POLE: variants seen among roughly 807,000 people sequenced by gnomAD.
The protein encoded by POLE is DNA polymerase epsilon, catalytic subunit.
POLE carries 188 observed loss-of-function variants against 279.2 expected under a neutral mutation model. That is an observed-to-expected ratio of 0.67 (90% CI 0.60 to 0.76). POLE has a LOEUF of 0.76. POLE is among the 30% of genes least tolerant of loss of function. POLE has a pLI of 0.00. For missense variants in POLE, 2,703 were observed against 3,016.7 expected, an observed-to-expected ratio of 0.90 and a Z score of 2.44; for synonymous variants, 1,214 against 1,172.5, an observed-to-expected ratio of 1.04 and a Z score of -0.72.
At chr12:132,632,275 C>T (rs763782807) in intron 45 of POLE, 40 bp downstream of exon 45, 26 of 1,502,082 alleles carry the variant, frequency 1.7e-5, no homozygotes, top group African/African-American at 6.9e-5. Context: ...TACACATGTA[C>T]GTTAGTGTCC....
At chr12:132,636,298 G>A (rs1194161627) in intron 41 of POLE, among the ~76,000 whole-genome samples, 1 of 151,966 alleles carries the variant, frequency 6.6e-6, no homozygotes, top group Non-Finnish European at 1.5e-5. Context: ...TCTGCTCTGC[G>A]GCCTTAGGTG....
Position 132,675,646 on chromosome 12 carries a change from C to T in POLE, c.1106+89G>A. 2 of 1,572,910 alleles carry T rather than the reference C, an allele frequency of 1.3e-6. No homozygotes were observed. Among genetic ancestry groups the T allele is most frequent in the Non-Finnish European group, 1.7e-6 (2 of 1,145,714 alleles). ...GCAGAGTGAACCCAGGAGCCACCTC[C>T]TAAGTCGACATGGGAAGCGCCCCTG... On this transcript the variant is annotated intron_variant, in intron 11 of 48. Transcript: ENST00000320574. This position sits in a 1 kb window ranked among gnomAD's most constrained non-coding sequence, Gnocchi z 4.3.
At chr12:132,641,467 C>T (rs764347664) in intron 39 of POLE, 180 bp downstream of exon 39, 3 of 613,012 alleles carry the variant, frequency 4.9e-6, no homozygotes, top group Admixed American at 5.6e-5. Flanking sequence ...GGGACCAGGC[C>T]GGACCCCCAC....
chr12:132,640,593 C>T (rs2042121471), intron 39 of POLE, among the ~76,000 whole-genome samples: 1 of 152,276 alleles, frequency 6.6e-6, no homozygotes, highest in African/African-American at 2.4e-5. Flanking sequence ...ATGCCAGCTG[C>T]TCTGGTACTG....
Position 132,661,770 on chromosome 12 carries a change from G to T in POLE, c.2707-86C>A. 2 of 1,376,842 alleles carry T rather than the reference G, an allele frequency of 1.5e-6. No homozygotes were observed. The highest frequency in any genetic ancestry group is 2.0e-6 in the Non-Finnish European group (2 of 1,002,212). The allele number at this position is 1,376,842 out of a possible 1,614,324, so 85.3% of individuals were successfully genotyped here. A position where few individuals can be genotyped will look rare whatever the true frequency, so the allele number is the denominator to read the frequency against. ...CCTGGTGTCCCTCCAGGAGTGGATG[G>T]ATTGACAAACCGAGGCTTTTCCACA... is the stretch of plus-strand genomic sequence containing the variant. On this transcript the variant is annotated intron_variant, in intron 23 of 48. Transcript: ENST00000320574. This position sits in a 1 kb window ranked among gnomAD's most constrained non-coding sequence, Gnocchi z 4.1.
Position 132,644,506 on chromosome 12 carries a change from G to A in POLE, c.4150-529C>T, listed in dbSNP as rs145687309. On this transcript the variant is annotated intron_variant, in intron 32 of 48. Coordinates refer to ENST00000320574, the MANE Select transcript of POLE (RefSeq NM_006231.4). ...CAGCCTCTGAGAATAGACAAGAGCT[G>A]TCAGAATACAGCAGTCAACACTGAT... 1.8e-3 allele frequency among the ~76,000 whole-genome samples: 269 copies of A among 152,190 alleles called. 3 individuals are homozygous for A. The highest frequency in any genetic ancestry group is 3.0e-3 in the Non-Finnish European group (207 of 68,018).
rs571747585 is a variant in POLE, at chr12:132,635,834, T to C, written c.5811+58A>G. On this transcript the variant is annotated intron_variant, in intron 42 of 48. Coordinates refer to ENST00000320574, the MANE Select transcript of POLE (RefSeq NM_006231.4). ...GGGGCCCTGAGCACTCAGCACTTGC[T>C]GCAGGAATGAACGCGACCCCCAAAG... is the stretch of plus-strand genomic sequence containing the variant. The C allele has an allele frequency of 1.8e-4, 277 of 1,562,340 alleles. No homozygotes were observed. The African/African-American group carries it at 2.8e-3, about 16-fold the overall frequency.
Position 132,664,344 on chromosome 12 carries a change from C to T in POLE, c.2561+26G>A, listed in dbSNP as rs752146429. 1 of 1,603,112 alleles carries T rather than the reference C, an allele frequency of 6.2e-7. No homozygotes were observed. The highest frequency in any genetic ancestry group is 8.5e-7 in the Non-Finnish European group (1 of 1,170,772). On this transcript the variant is annotated intron_variant, in intron 22 of 48. Coordinates refer to ENST00000320574, the MANE Select transcript of POLE (RefSeq NM_006231.4). The surrounding 1 kb of genome is among the most constrained non-coding windows in gnomAD (Gnocchi z 5.3). ...GCTTGCCCCCAGGACCTGCTCCCAGCCCCACGGCTCCCCTTCTGCACTCAC... is the reference window on the plus strand; with the variant it reads ...GCTTGCCCCCAGGACCTGCTCCCAGTCCCACGGCTCCCCTTCTGCACTCAC...
At chr12:132,667,125 T>G (rs768083229) in intron 20 of POLE, among the ~76,000 whole-genome samples, 6 of 152,166 alleles carry the variant, frequency 3.9e-5, no homozygotes, top group Admixed American at 1.3e-4. Flanking sequence ...ATACCATAGA[T>G]GAGAAGGCCT....
rs1355944496 is a variant in POLE at position 132,672,390 on chromosome 12, C to T, written c.1687-68G>A. 5.2e-6 allele frequency: 7 copies of T among 1,337,276 alleles called. No homozygotes were observed. In the Admixed American group the frequency reaches 6.7e-5, roughly 13 times the overall value. 82.8% of individuals were successfully genotyped at this position (1,337,276 alleles called of 1,614,324 possible). A position where few individuals can be genotyped will look rare whatever the true frequency, so the allele number is the denominator to read the frequency against. On this transcript the variant is annotated intron_variant, in intron 15 of 48. Transcript: ENST00000320574. Reference sequence around the variant, plus strand: ...CCACACTAGCCTGCCTCAGGTTTGACGCTGTGGCTGCACGTGGCAGGTTGT... The same window carrying T: ...CCACACTAGCCTGCCTCAGGTTTGATGCTGTGGCTGCACGTGGCAGGTTGT...
At position 132,624,602 on chromosome 12, in the gene POLE, G is replaced by A. The variant is rs577683220; in HGVS notation, c.*95C>T. ...TGGGGTCACAGGTTTGGACAGTCAG[G>A]GTGGTCAGTGGTCTGGTCACTGGAA... On this transcript the variant is annotated 3_prime_UTR_variant, in exon 49 of 49. Transcript: ENST00000320574. The A allele has an allele frequency of 1.1e-5, 9 of 791,268 alleles. No homozygotes were observed. Among genetic ancestry groups the A allele is most frequent in the South Asian group, 4.1e-5 (3 of 73,614 alleles). 49.0% of individuals were successfully genotyped at this position (791,268 alleles called of 1,614,324 possible).
chr12:132,686,419 G>A (rs1276135635), intron 1 of POLE, among the ~76,000 whole-genome samples: 3 of 151,900 alleles, frequency 2.0e-5, no homozygotes, highest in Admixed American at 1.3e-4. Context: ...CGCACCACCA[G>A]CCTGTCTAAT....
At chr12:132,676,249 GCCAA>G in intron 9 of POLE, 45 bp from the exon 10 acceptor site, 2 of 1,349,304 alleles carry the variant, frequency 1.5e-6, no homozygotes, top group South Asian at 2.4e-5. Flanking sequence ...AGGCTGCAAA[GCCAA>G]GAAATGGCGT....
intron 20 of POLE, 127 bp from the exon 21 acceptor site, chr12:132,665,577 A>C: frequency 1.1e-5 from 11 of 1,023,128 alleles, no homozygotes; most frequent in Non-Finnish European, 1.5e-5. Flanking sequence ...AACCAGTACA[A>C]TGAAGAGTGT....
chr12:132,643,181 C>A, intron 35 of POLE, 43 bp downstream of exon 35: 1 of 1,593,708 alleles, frequency 6.3e-7, no homozygotes, highest in Non-Finnish European at 8.6e-7. Context: ...TTCCCCAAAC[C>A]CTGCCCCAGC....
At position 132,679,600 on chromosome 12, in the gene POLE, T is replaced by C. The variant is rs774952016; in HGVS notation, c.475A>G (p.Thr159Ala). 5 of 1,613,726 alleles carry C rather than the reference T, an allele frequency of 3.1e-6. No individual in the cohort carries two copies. The highest frequency in any genetic ancestry group is 1.6e-4 in the Middle Eastern group (1 of 6,084). Residue 159 changes from threonine to alanine, a missense_variant, in exon 6 of 49, where the codon ACT becomes GCT. Physicochemically the swap from Thr to Ala is moderately conservative, Grantham distance 58. Coordinates refer to ENST00000320574, the MANE Select transcript of POLE (RefSeq NM_006231.4). The stretch of plus-strand genomic sequence containing the variant: ...CTCACTTTGACAAGATCCTCCACAG[T>C]GTGGAAGGACAGCCTGATGTAATTT... ...KRNYIRLSFH[T>A]VEDLVKVRKE... is the part of the protein sequence containing the mutation.
chr12:132,666,504 C>T (rs1024945627), intron 20 of POLE, among the ~76,000 whole-genome samples: 7 of 152,338 alleles, frequency 4.6e-5, no homozygotes, highest in Admixed American at 2.6e-4. Context: ...ATCACTTGAG[C>T]CTGGGAGGTG....
chr12:132,628,311 G>A (rs2041874713), intron 45 of POLE, among the ~76,000 whole-genome samples: 1 of 151,742 alleles, frequency 6.6e-6, no homozygotes, highest in Admixed American at 6.6e-5. Flanking sequence ...CTGCACTCCA[G>A]CCTGGGCGAG....
In POLE at chr12:132,664,549, G is replaced by A. The variant is rs1197562430; in HGVS notation, c.2469-87C>T. On this transcript the variant is annotated intron_variant, in intron 21 of 48. Coordinates refer to ENST00000320574, the MANE Select transcript of POLE (RefSeq NM_006231.4). The surrounding 1 kb of genome is among the most constrained non-coding windows in gnomAD (Gnocchi z 5.3). The stretch of plus-strand genomic sequence containing the variant: ...GCAGTGAGGAGTAGGGAGGAGGAAA[G>A]GAGAGATGCGACAGGGACAAGGGAA... 2 of 976,468 alleles carry A rather than the reference G, an allele frequency of 2.0e-6. No individual in the cohort carries two copies. The highest frequency in any genetic ancestry group is 1.6e-6 in the Non-Finnish European group (1 of 617,874). The allele number at this position is 976,468 out of a possible 1,614,324, so 60.5% of individuals were successfully genotyped here.
Sources: gnomAD v4.1 joint callset for allele counts (sites outside exome capture counted in the v4.1 genomes callset) on GRCh38, gnomAD v4.1.1 for gene constraint, Gnocchi (gnomAD v3.1) non-coding constraint, MANE v1.5 for transcripts, NCBI Gene and HGNC (gene_info 2026-07-23, HGNC 2026-07-21) for gene names.